Variants in PLOD2 observed in about 807,000 individuals in gnomAD.
PLOD2 encodes procollagen-lysine,2-oxoglutarate 5-dioxygenase 2.
In PLOD2, 65 loss-of-function variants were observed where a neutral mutation model predicts 101.0. The ratio of observed to expected loss-of-function variants is 0.64; its 90% CI spans 0.53 to 0.79. The LOEUF (loss-of-function observed/expected upper bound fraction) is 0.79, where lower values mean the gene tolerates loss of function less well. PLOD2 is among the 30% of genes least tolerant of loss of function. PLOD2 has a pLI of 0.00. For synonymous variants in PLOD2, 314 were observed against 302.9 expected (o/e 1.04, Z -0.38); for missense variants, 909 against 914.6 (o/e 0.99, Z 0.08).
chr3:146,137,369 C>A (rs139620251), intron 1 of PLOD2, among the ~76,000 whole-genome samples: 58 of 152,290 alleles, frequency 3.8e-4, no homozygotes, highest in African/African-American at 1.4e-3. Flanking sequence ...ACCTCAGCCT[C>A]CTGAGTAGCT....
In PLOD2 at chr3:146,110,411, G is replaced by C. The variant is rs1937608169; in HGVS notation, c.376C>G (p.Leu126Val). Reference protein sequence around the residue: ...VIFAGGPEEVLKKFQKANHKV... With the variant: ...VIFAGGPEEVVKKFQKANHKV... ...TGGTTTGCCTTTTGGAATTTTTTTA[G>C]AACTTCTTCTGGACCACCAGCAAAT... is the stretch of plus-strand genomic sequence containing the variant. Residue 126 changes from leucine to valine, a missense_variant, in exon 4 of 20, where the codon CTA becomes GTA. Physicochemically the swap from Leu to Val is conservative, Grantham distance 32. Coordinates refer to ENST00000282903, the MANE Select transcript of PLOD2 (RefSeq NM_182943.3). 1.9e-6 allele frequency: 3 copies of C among 1,613,454 alleles called. No homozygotes were observed. The highest frequency in any genetic ancestry group is 3.3e-5 in the Admixed American group (2 of 59,956).
At chr3:146,097,789 G>T (rs1389382090) in intron 7 of PLOD2, among the ~76,000 whole-genome samples, 1 of 37,362 alleles carries the variant, frequency 2.7e-5, no homozygotes, top group Non-Finnish European at 5.3e-5. Flanking sequence ...ACCCAAGAAT[G>T]ATCAATAAAA....
At chr3:146,116,195 A>G (rs1360356748) in intron 3 of PLOD2, among the ~76,000 whole-genome samples, 1 of 151,986 alleles carries the variant, frequency 6.6e-6, no homozygotes, top group East Asian at 1.9e-4. Flanking sequence ...ACAAACCAAT[A>G]CTATGGATCC....
At chr3:146,131,965 C>A (rs2030939368) in intron 1 of PLOD2, among the ~76,000 whole-genome samples, 1 of 151,972 alleles carries the variant, frequency 6.6e-6, no homozygotes, top group Non-Finnish European at 1.5e-5. Context: ...TGTCAAGAGA[C>A]ATCCAATGAT....
intron 7 of PLOD2, among the ~76,000 whole-genome samples, chr3:146,095,767 T>C (rs570733972): frequency 1.1e-3 from 172 of 152,222 alleles, no homozygotes; most frequent in African/African-American, 3.8e-3. Flanking sequence ...TGTATGTTTA[T>C]TGCAGCACTA....
At chr3:146,142,800 G>A (rs767452035) in intron 1 of PLOD2, among the ~76,000 whole-genome samples, 4 of 152,114 alleles carry the variant, frequency 2.6e-5, no homozygotes, top group Non-Finnish European at 5.9e-5. Flanking sequence ...AAGATTATAA[G>A]AAAGGGGCAT....
chr3:146,112,136 TCCC>T (rs1937663657), intron 3 of PLOD2, among the ~76,000 whole-genome samples: 1 of 152,176 alleles, frequency 6.6e-6, no homozygotes, highest in Non-Finnish European at 1.5e-5. Flanking sequence ...GACCCAGCAA[TCCC>T]ATTGCTGGGT....
intron 7 of PLOD2, among the ~76,000 whole-genome samples, chr3:146,096,140 C>T (rs1042480929): frequency 0.014 from 2,044 of 149,890 alleles, 56 homozygotes; most frequent in African/African-American, 0.047. Flanking sequence ...CCGCCAGCCT[C>T]GGCCTCCCGA....
chr3:146,155,347 AT>A (rs755153969), intron 1 of PLOD2, among the ~76,000 whole-genome samples: 2 of 152,022 alleles, frequency 1.3e-5, no homozygotes, highest in Non-Finnish European at 2.9e-5. Flanking sequence ...TAATTAATTA[AT>A]TAAATAACAG....
intron 4 of PLOD2, among the ~76,000 whole-genome samples, 155 bp downstream of exon 4, chr3:146,110,130 C>CTCAG (rs1390873049): frequency 7.2e-5 from 11 of 152,224 alleles, no homozygotes; most frequent in African/African-American, 2.6e-4. Flanking sequence ...GGAACACCAA[C>CTCAG]TCACATAATA....
At chr3:146,107,571 CAT>C (rs1937556671) in intron 4 of PLOD2, among the ~76,000 whole-genome samples, 1 of 145,902 alleles carries the variant, frequency 6.9e-6, no homozygotes, top group African/African-American at 2.7e-5. Context: ...AAAATGAAAA[CAT>C]GACCAAAACC....
chr3:146,159,552 G>T (rs1259990172), intron 1 of PLOD2, among the ~76,000 whole-genome samples: 4 of 152,124 alleles, frequency 2.6e-5, no homozygotes, highest in African/African-American at 7.2e-5. Flanking sequence ...TCTGGGGAAG[G>T]CTTTTTGTTC....
chr3:146,072,463 G>A (rs942965042), intron 17 of PLOD2, 98 bp downstream of exon 17: 1 of 810,420 alleles, frequency 1.2e-6, no homozygotes, highest in African/African-American at 1.7e-5. Context: ...CTAGAACTCA[G>A]AGACATATGA....
chr3:146,080,579 AG>A (rs1447678881), intron 12 of PLOD2, among the ~76,000 whole-genome samples: 1 of 152,028 alleles, frequency 6.6e-6, no homozygotes, highest in African/African-American at 2.4e-5. Context: ...AGTGTATTCC[AG>A]ATCAAAAGCT....
Position 146,085,249 on chromosome 3 carries a change from C to T in PLOD2, c.1152G>A (p.Lys384=), listed in dbSNP as rs754718840. The part of the protein sequence containing the change: ...MGMDFCRQDE[K]CDYYFSVDAD... The stretch of plus-strand genomic sequence containing the variant: ...CATCCACACTAAAGTAATAATCACA[C>T]TTTTCATCCTGACGGCAAAAGTCCC... Residue 384 remains lysine (K), a synonymous_variant, in exon 11 of 20, where the codon AAG becomes AAA. Transcript: ENST00000282903. The T allele has an allele frequency of 1.9e-6, 3 of 1,602,950 alleles. No homozygotes were observed. Among genetic ancestry groups the T allele is most frequent in the Non-Finnish European group, 2.6e-6 (3 of 1,170,284 alleles).
rs993837602 is a variant in PLOD2, at chr3:146,077,604, A to T, written c.1563+258T>A. The stretch of plus-strand genomic sequence containing the variant: ...TAAAAAGAAATAAAAACCTAAAAAA[A>T]GAATGAAAGGGACTTAGGTTTAACT... On this transcript the variant is annotated intron_variant, in intron 14 of 19. Coordinates refer to ENST00000282903, the MANE Select transcript of PLOD2 (RefSeq NM_182943.3). 6 of 361,536 alleles carry T rather than the reference A, an allele frequency of 1.7e-5. No homozygotes were observed. The Admixed American group carries it at 2.6e-4, about 16-fold the overall frequency. 22.4% of individuals were successfully genotyped at this position (361,536 alleles called of 1,614,324 possible). A position where few individuals can be genotyped will look rare whatever the true frequency, so the allele number is the denominator to read the frequency against.
chr3:146,143,205 A>G (rs1200768224), intron 1 of PLOD2, among the ~76,000 whole-genome samples: 2 of 152,038 alleles, frequency 1.3e-5, no homozygotes, highest in Non-Finnish European at 2.9e-5. Context: ...TTACAGACAC[A>G]AAGAAGACTA....
At chr3:146,072,037 A>G (rs1214808697) in intron 17 of PLOD2, among the ~76,000 whole-genome samples, 1 of 151,756 alleles carries the variant, frequency 6.6e-6, no homozygotes, top group Non-Finnish European at 1.5e-5. Flanking sequence ...CTGTTCTCAG[A>G]GGGAAAGAAA....
intron 1 of PLOD2, among the ~76,000 whole-genome samples, chr3:146,143,323 G>A (rs1008606775): frequency 1.3e-5 from 2 of 151,754 alleles, no homozygotes; most frequent in African/African-American, 4.8e-5. Flanking sequence ...AGCATGTAGA[G>A]TATATACTCA....
Sources: gnomAD v4.1 joint callset for allele counts (sites outside exome capture counted in the v4.1 genomes callset) on GRCh38, gnomAD v4.1.1 for gene constraint, MANE v1.5 for transcripts, NCBI Gene and HGNC (gene_info 2026-07-23, HGNC 2026-07-21) for gene names.